Variants in SAMD3 observed in about 807,000 individuals in gnomAD.
SAMD3 encodes the protein sterile alpha motif domain containing 3, also known as sterile alpha motif domain-containing protein 3.
A neutral mutation model predicts 58.5 loss-of-function variants in SAMD3; 63 were observed. The ratio of observed to expected loss-of-function variants is 1.08; its 90% CI spans 0.88 to 1.33. The LOEUF is 1.33. SAMD3 is among the 40% of genes most tolerant of loss of function. SAMD3 has a pLI of 0.00. For synonymous variants in SAMD3, 220 were observed against 210.3 expected, an observed-to-expected ratio of 1.05 and a Z score of -0.40; for missense variants, 604 against 608.4, an observed-to-expected ratio of 0.99 and a Z score of 0.08.
At chr6:130,150,349 A>G (rs1018739934) in intron 9 of SAMD3, among the ~76,000 whole-genome samples, 1 of 152,188 alleles carries the variant, frequency 6.6e-6, no homozygotes, top group Admixed American at 6.5e-5. Context: ...AGCATCCAGC[A>G]TACAGTGCAG....
At chr6:130,183,657 A>G (rs1792632450) in intron 7 of SAMD3, among the ~76,000 whole-genome samples, 1 of 152,174 alleles carries the variant, frequency 6.6e-6, no homozygotes, top group African/African-American at 2.4e-5. Flanking sequence ...CATAATCACT[A>G]TCCATTTTGG....
chr6:130,254,039 G>C (rs894632030), intron 2 of SAMD3, among the ~76,000 whole-genome samples: 5 of 152,056 alleles, frequency 3.3e-5, no homozygotes, highest in African/African-American at 1.2e-4. Context: ...TGTCACCCAG[G>C]CTGGAGTGCA....
intron 2 of SAMD3, among the ~76,000 whole-genome samples, chr6:130,231,219 G>A (rs912168625): frequency 2.0e-5 from 3 of 152,008 alleles, no homozygotes; most frequent in African/African-American, 4.8e-5. Context: ...TCGTACTTCT[G>A]TCATTTTGCC....
At chr6:130,361,292 T>C (rs975942630) in intron 1 of SAMD3, among the ~76,000 whole-genome samples, 3 of 152,220 alleles carry the variant, frequency 2.0e-5, no homozygotes, top group Admixed American at 1.3e-4. Context: ...TAAATGTCCA[T>C]GAAATCTTCA....
chr6:130,341,798 G>C (rs1777284297), intron 1 of SAMD3, among the ~76,000 whole-genome samples: 2 of 152,120 alleles, frequency 1.3e-5, no homozygotes, highest in South Asian at 2.1e-4. Context: ...ATGGCTAAAG[G>C]ATGACATTTC....
intron 2 of SAMD3, among the ~76,000 whole-genome samples, chr6:130,255,978 G>T (rs1773916399): frequency 6.6e-6 from 1 of 151,474 alleles, no homozygotes; most frequent in African/African-American, 2.4e-5. Context: ...ATTGTTTTCT[G>T]GTTGTTTTGT....
intron 1 of SAMD3, among the ~76,000 whole-genome samples, chr6:130,218,560 C>T (rs965468518): frequency 3.9e-5 from 6 of 152,084 alleles, no homozygotes; most frequent in African/African-American, 1.4e-4. Flanking sequence ...AGATAGATAG[C>T]CCAAAGTGGG....
At chr6:130,182,333 G>A (rs533363770) in intron 7 of SAMD3, among the ~76,000 whole-genome samples, 14 of 152,118 alleles carry the variant, frequency 9.2e-5, no homozygotes, top group African/African-American at 3.1e-4. Flanking sequence ...TTTTGGAAAG[G>A]ATGTCATCCT....
intron 5 of SAMD3, among the ~76,000 whole-genome samples, chr6:130,186,767 ATTTTTTTTTTT>A (rs35592601): frequency 9.3e-6 from 1 of 107,036 alleles, no homozygotes; most frequent in African/African-American, 3.8e-5. Context: ...CCTTCCTGGG[ATTTTTTTTTTT>A]TTTTTTTTTT....
chr6:130,295,564 T>C (rs4897407), intron 2 of SAMD3, among the ~76,000 whole-genome samples: 42,764 of 152,150 alleles, frequency 0.28, 6,450 homozygotes, highest in East Asian at 0.45. Context: ...ATTTCTTTCC[T>C]AGGAGACCAC....
At chr6:130,281,432 A>T (rs1774977229) in intron 2 of SAMD3, among the ~76,000 whole-genome samples, 1 of 152,170 alleles carries the variant, frequency 6.6e-6, no homozygotes, top group South Asian at 2.1e-4. Context: ...GATGGGGAAG[A>T]CAGAGCCCAC....
chr6:130,149,851 C>A (rs1346461558), intron 9 of SAMD3, among the ~76,000 whole-genome samples: 2 of 152,172 alleles, frequency 1.3e-5, no homozygotes, highest in African/African-American at 4.8e-5. Flanking sequence ...CACGACGTAT[C>A]CCCTGCTGAA....
At chr6:130,224,615 TATTATTATTATTA>T (rs1474967620), upstream of SAMD3, among the ~76,000 whole-genome samples, 1 of 136,464 alleles carries the variant, frequency 7.3e-6, no homozygotes, top group African/African-American at 3.4e-5. Context: ...TTATTATTAT[TATTATTATTATTA>T]TTATTTTTGA....
At chr6:130,256,416 C>G (rs1773928707) in intron 2 of SAMD3, among the ~76,000 whole-genome samples, 1 of 152,156 alleles carries the variant, frequency 6.6e-6, no homozygotes, top group Non-Finnish European at 1.5e-5. Context: ...CCACTGTGCA[C>G]TAAATCTTGA....
intron 2 of SAMD3, among the ~76,000 whole-genome samples, chr6:130,274,965 A>C (rs1046364852): frequency 2.6e-5 from 4 of 151,956 alleles, no homozygotes; most frequent in Non-Finnish European, 5.9e-5. Flanking sequence ...GACCCTTGGC[A>C]CTCAAAATAT....
chr6:130,220,710 G>A (rs890521462), intron 1 of SAMD3, among the ~76,000 whole-genome samples: 1 of 152,062 alleles, frequency 6.6e-6, no homozygotes, highest in Non-Finnish European at 1.5e-5. Flanking sequence ...TAGGTAAAAA[G>A]AACGAAAAAT....
intron 2 of SAMD3, among the ~76,000 whole-genome samples, chr6:130,254,244 A>G (rs1773848012): frequency 1.3e-5 from 2 of 150,580 alleles, no homozygotes; most frequent in South Asian, 4.2e-4. Flanking sequence ...CCCAGGCTGG[A>G]GTGCAGTGGC....
chr6:130,157,394 A>G (rs1789888016), intron 8 of SAMD3, among the ~76,000 whole-genome samples: 1 of 151,810 alleles, frequency 6.6e-6, no homozygotes, highest in Admixed American at 6.6e-5. Context: ...GCTGAAGTGC[A>G]GTGGCGTGAT....
chr6:130,243,792 TAC>T (rs1388632549), intron 2 of SAMD3, among the ~76,000 whole-genome samples: 3 of 152,164 alleles, frequency 2.0e-5, no homozygotes, highest in Non-Finnish European at 4.4e-5. Context: ...TCTCTTACGT[TAC>T]ACACACAGAC....
Sources: gnomAD v4.1 joint callset for allele counts (sites outside exome capture counted in the v4.1 genomes callset) on GRCh38, gnomAD v4.1.1 for gene constraint, MANE v1.5 for transcripts, NCBI Gene and HGNC (gene_info 2026-07-23, HGNC 2026-07-21) for gene names.